The following LNPEP variants were observed in gnomAD, a reference collection of about 807,000 sequenced individuals.
LNPEP encodes the protein leucyl-cystinyl aminopeptidase.
A neutral mutation model predicts 120.6 loss-of-function variants in LNPEP; 64 were observed. The ratio of observed to expected loss-of-function variants is 0.53; its 90% confidence interval spans 0.43 to 0.65. The LOEUF is 0.65. Ranked by LOEUF, LNPEP falls within the 30% of genes least tolerant of loss-of-function variation. The pLI, the probability that LNPEP is intolerant of heterozygous loss-of-function variation, is 0.00. For missense variants in LNPEP, 1,057 were observed against 1,200.0 expected (o/e 0.88, Z 1.76); for synonymous variants, 435 against 425.4 (o/e 1.02, Z -0.28).
Position 97,003,399 on chromosome 5 carries a change from C to CTT in LNPEP, c.1654-7_1654-6dup. The CTT allele has an allele frequency of 1.4e-5, 5 of 362,222 alleles. No homozygotes were observed. The highest frequency in any genetic ancestry group is 7.4e-5 in the South Asian group (1 of 13,448). 22.4% of individuals were successfully genotyped at this position (362,222 alleles called of 1,614,324 possible). ...CTATTATTTTCTTTCTTTTTCCTCA[C>CTT]TTTTTTTTTTAATAGGGATCTTCTC... On this transcript the variant is annotated splice_polypyrimidine_tract_variant and intron_variant, in intron 8 of 17. Transcript: ENST00000231368.
At chr5:97,004,315 C>T (rs1037607564) in intron 9 of LNPEP, among the ~76,000 whole-genome samples, 4 of 152,066 alleles carry the variant, frequency 2.6e-5, no homozygotes, top group African/African-American at 7.2e-5. Context: ...GAGTTCGAGA[C>T]CAGCCTGGCC....
chr5:96,971,289 C>T (rs1789856051), intron 1 of LNPEP, among the ~76,000 whole-genome samples: 1 of 148,208 alleles, frequency 6.7e-6, no homozygotes, highest in Non-Finnish European at 1.5e-5. Context: ...TAAAGGTTTT[C>T]TTTTTATCTT....
At chr5:97,008,888 G>A (rs112824186) in intron 11 of LNPEP, among the ~76,000 whole-genome samples, 2,842 of 151,874 alleles carry the variant, frequency 0.019, 38 homozygotes, top group South Asian at 0.033. Context: ...TCCTGACCTC[G>A]TGATCCGCCC....
intron 8 of LNPEP, among the ~76,000 whole-genome samples, chr5:96,999,839 CTAGATAACTTATCAGT>C (rs1790603003): frequency 6.6e-6 from 1 of 151,558 alleles, no homozygotes; most frequent in Admixed American, 6.6e-5. Context: ...AAGTGGGATA[CTAGATAACTTATCAGT>C]ATTGTGTGCA....
rs1789421290 is a variant in LNPEP at position 96,954,780 on chromosome 5, T to A, written c.19+18606T>A. Among the ~76,000 whole-genome samples the A allele has an allele frequency of 1.9e-4, 14 of 73,426 alleles. 2 individuals carry two copies. The highest frequency in any genetic ancestry group is 7.2e-4 in the East Asian group (2 of 2,788). The allele number at this position is 73,426 out of a possible 152,430, so 48.2% of individuals were successfully genotyped here. Reference sequence around the variant, plus strand: ...TATATATATATATATATATTTTTTTTTTTTTTTTTTTTTTTTTTTTGAGAC... The same window carrying A: ...TATATATATATATATATATTTTTTTATTTTTTTTTTTTTTTTTTTTGAGAC... On this transcript the variant is annotated intron_variant, in intron 1 of 17. Transcript: ENST00000231368.
chr5:96,974,456 C>T (rs1789941947), intron 1 of LNPEP, among the ~76,000 whole-genome samples: 1 of 152,124 alleles, frequency 6.6e-6, no homozygotes, highest in Non-Finnish European at 1.5e-5. Context: ...TTTTCCCTCC[C>T]CTACTCCTTC....
At position 96,966,508 on chromosome 5, in the gene LNPEP, TTGTGTGTGTGTGTGTGTGTGTG is replaced by T. The variant is rs375861296; in HGVS notation, c.20-12606_20-12585del. 4.7e-3 allele frequency among the ~76,000 whole-genome samples: 632 copies of T among 133,460 alleles called. 3 individuals carry two copies. The highest frequency in any genetic ancestry group is 0.017 in the African/African-American group (608 of 35,514). 87.6% of individuals were successfully genotyped at this position (133,460 alleles called of 152,430 possible). ...GAGTGAGACTCTGTCTTACATATAT[TTGTGTGTGTGTGTGTGTGTGTG>T]TGTGTGTGTGTGTGTGTGTGTGTAG... On this transcript the variant is annotated intron_variant, in intron 1 of 17. Transcript: ENST00000231368.
chr5:96,994,190 G>T (rs528126850), intron 6 of LNPEP, among the ~76,000 whole-genome samples: 1 of 151,834 alleles, frequency 6.6e-6, no homozygotes, highest in Admixed American at 6.6e-5. Context: ...GTCTTACTTC[G>T]CAACTTCTCT....
At position 97,028,953 on chromosome 5, in the gene LNPEP, G is replaced by C. The variant is rs978969216; in HGVS notation, c.*420G>C. 3 of 171,356 alleles carry C rather than the reference G, an allele frequency of 1.8e-5. No individual in the cohort carries two copies. The highest frequency in any genetic ancestry group is 7.2e-5 in the African/African-American group (3 of 41,612). 10.6% of individuals were successfully genotyped at this position (171,356 alleles called of 1,614,324 possible). A position where few individuals can be genotyped will look rare whatever the true frequency, so the allele number is the denominator to read the frequency against. On this transcript the variant is annotated 3_prime_UTR_variant, in exon 18 of 18. Coordinates refer to ENST00000231368, the MANE Select transcript of LNPEP (RefSeq NM_005575.3). Reference sequence around the variant, plus strand: ...TGTCAGCCATCTGTTGCTTCTTATTGATAGATGGCATTGGAATGTGGTACA... The same window carrying C: ...TGTCAGCCATCTGTTGCTTCTTATTCATAGATGGCATTGGAATGTGGTACA...
rs768356683 is a variant in LNPEP at position 96,998,134 on chromosome 5, T to C, written c.1642T>C (p.Ser548Pro). The C allele has an allele frequency of 6.3e-7, 1 of 1,599,456 alleles. No homozygotes were observed. The highest frequency in any genetic ancestry group is 8.5e-7 in the Non-Finnish European group (1 of 1,174,610). The change falls in exon 8 of 18, where the codon TCC (serine) becomes CCC (proline). Residue 548 changes from serine (S) to proline (P), a missense_variant. Transcript: ENST00000231368. ...EQIEEMFDSLSYFKGSSLLLM... is the reference protein window; with the variant it reads ...EQIEEMFDSLPYFKGSSLLLM... ...AATTGAAGAAATGTTTGATTCTCTT[T>C]CCTATTTTAAGGTATTGCTGTGAAC...
chr5:96,979,176 A>G lies in LNPEP; in HGVS notation c.58A>G (p.Met20Val). The change falls in exon 2 of 18, where the codon ATG (methionine) becomes GTG (valine). Residue 20 changes from methionine (M) to valine (V), a missense_variant. By Grantham distance (21) the Met-to-Val change is conservative (BLOSUM62 1). Coordinates refer to ENST00000231368, the MANE Select transcript of LNPEP (RefSeq NM_005575.3). Reference protein sequence around the residue: ...QLPRNMIENSMFEEEPDVVDL... With the variant: ...QLPRNMIENSVFEEEPDVVDL... ...CCCCAGGAATATGATTGAAAACAGC[A>G]TGTTTGAGGAAGAACCAGATGTGGT... is the stretch of plus-strand genomic sequence containing the variant. 2 of 1,612,940 alleles carry G rather than the reference A, an allele frequency of 1.2e-6. No homozygotes were observed. Among genetic ancestry groups the G allele is most frequent in the East Asian group, 2.2e-5 (1 of 44,840 alleles).
intron 11 of LNPEP, chr5:97,010,422 T>C: frequency 1.0e-6 from 1 of 984,986 alleles, no homozygotes; most frequent in Non-Finnish European, 1.2e-6. Flanking sequence ...CATTCTCTGC[T>C]CTTGCCTTTT....
chr5:96,955,664 G>A (rs1275823323), intron 1 of LNPEP, among the ~76,000 whole-genome samples: 1 of 152,198 alleles, frequency 6.6e-6, no homozygotes, highest in African/African-American at 2.4e-5. Flanking sequence ...CCACTGTACA[G>A]ATCTACCATA....
rs1465760798 is a variant in LNPEP at position 96,936,152 on chromosome 5, GA to G, written c.1del. ...CGGCTGTAAGGAGCCGCGGCGGGGG[GA>G]AAATGGAGCCCTTCACCAATGGTGA... is the stretch of plus-strand genomic sequence containing the variant. On this transcript the variant is annotated 5_prime_UTR_variant, in exon 1 of 18. Coordinates refer to ENST00000231368, the MANE Select transcript of LNPEP (RefSeq NM_005575.3). The G allele has an allele frequency of 4.7e-6, 7 of 1,502,868 alleles. No homozygotes were observed. The Admixed American group carries it at 6.6e-5, about 14-fold the overall frequency. The allele number at this position is 1,502,868 out of a possible 1,614,324, so 93.1% of individuals were successfully genotyped here.
chr5:96,957,172 A>G (rs1789489756), intron 1 of LNPEP, among the ~76,000 whole-genome samples: 1 of 152,156 alleles, frequency 6.6e-6, no homozygotes, highest in East Asian at 1.9e-4. Flanking sequence ...TATTTCAAGT[A>G]GTTGTGGCTT....
intron 11 of LNPEP, 35 bp from the exon 12 acceptor site, chr5:97,013,611 TTC>T: frequency 4.1e-6 from 5 of 1,233,136 alleles, no homozygotes; most frequent in Non-Finnish European, 5.4e-6. Context: ...TCCAATTGTC[TTC>T]TCTCTCAATC....
chr5:96,936,227 C>A (rs898762332), intron 1 of LNPEP, 53 bp downstream of exon 1: 4 of 1,351,168 alleles, frequency 3.0e-6, no homozygotes, highest in African/African-American at 3.1e-5. Context: ...CCCTGAGGGT[C>A]GTGGGCAGTC....
At chr5:97,006,358 A>C in intron 10 of LNPEP, 69 bp from the exon 11 acceptor site, 1 of 1,245,418 alleles carries the variant, frequency 8.0e-7, no homozygotes. Flanking sequence ...GAATAGCTTA[A>C]CCTTCCTACC....
In LNPEP at chr5:97,028,437, C is replaced by T. The variant is rs146999208; in HGVS notation, c.2982C>T (p.Thr994=). Reference sequence around the variant, plus strand: ...TCTTTGAAAATCAGTCAGAGGCAACCTTCCGGCTTCGTTGTGTCCAGGAGG... The same window carrying T: ...TCTTTGAAAATCAGTCAGAGGCAACTTTCCGGCTTCGTTGTGTCCAGGAGG... ...QAFFENQSEA[T]FRLRCVQEAL... is the part of the protein sequence containing the mutation. The change falls in exon 18 of 18, where the codon ACC becomes ACT. Residue 994 remains threonine (T), a synonymous_variant. Transcript: ENST00000231368. The T allele has an allele frequency of 6.2e-7, 1 of 1,613,864 alleles. No homozygotes were observed. Among genetic ancestry groups the T allele is most frequent in the East Asian group, 2.2e-5 (1 of 44,890 alleles).
Sources: allele counts gnomAD v4.1 joint callset (sites outside exome capture counted in the v4.1 genomes callset), GRCh38; gene constraint gnomAD v4.1.1; transcripts MANE v1.5; gene names NCBI Gene and HGNC (gene_info 2026-07-23, HGNC 2026-07-21).